Variants in MZF1 observed in about 807,000 individuals in gnomAD.
MZF1 encodes the protein myeloid zinc finger 1.
Under a neutral mutation model 28.6 loss-of-function variants are expected in MZF1, and 24 were observed. The observed-to-expected ratio is 0.84, with a 90% CI of 0.61 to 1.18. The LOEUF (loss-of-function observed/expected upper bound fraction) is 1.18, where lower values mean the gene tolerates loss of function less well. Ranked by LOEUF, MZF1 falls within the 50% of genes most tolerant of loss-of-function variation. The pLI, the probability that MZF1 is intolerant of heterozygous loss-of-function variation, is 0.00. For synonymous variants in MZF1, 516 were observed against 432.5 expected (o/e 1.19, Z -2.40); for missense variants, 1,166 against 1,026.4 (o/e 1.14, Z -1.86).
In MZF1 at chr19:58,562,541, C is replaced by A. The variant is rs921598469; in HGVS notation, c.1736G>T (p.Arg579Leu). Reference protein sequence around the residue: ...FACAECGKAFRQRPTLTQHLR... With the variant: ...FACAECGKAFLQRPTLTQHLR... ...ATGCTGCGTGAGCGTAGGCCGCTGG[C>A]GGAAGGCCTTGCCACACTCGGCGCA... The change falls in exon 6 of 6, where the codon CGC (arginine) becomes CTC (leucine). Residue 579 changes from arginine to leucine, a missense_variant. By Grantham distance (102) the Arg-to-Leu change is moderately radical. Coordinates refer to ENST00000215057, the MANE Select transcript of MZF1 (RefSeq NM_198055.2). 3.1e-6 allele frequency: 5 copies of A among 1,607,008 alleles called. No homozygotes were observed. The highest frequency in any genetic ancestry group is 4.2e-6 in the Non-Finnish European group (5 of 1,177,908).
Position 58,562,489 on chromosome 19 carries a change from G to T in MZF1, c.1788C>A (p.Pro596=). ...QHLRVHTGEK[P]FACPECGQRF... is the part of the protein sequence containing the mutation. ...GCTGGCCACACTCGGGGCAGGCAAA[G>T]GGTTTCTCGCCCGTGTGTACGCGGA... Residue 596 remains proline (P), a synonymous_variant, in exon 6 of 6, where the codon CCC becomes CCA. Coordinates refer to ENST00000215057, the MANE Select transcript of MZF1 (RefSeq NM_198055.2). 6.2e-7 allele frequency: 1 copy of T among 1,611,104 alleles called. No individual in the cohort carries two copies.
At chr19:58,563,734 C>G (rs2053985032) in intron 5 of MZF1, 1 of 462,412 alleles carries the variant, frequency 2.2e-6, no homozygotes, top group Non-Finnish European at 3.8e-6. Context: ...AAAAAGCTTT[C>G]TAGGTCTGAT....
At position 58,562,326 on chromosome 19, in the gene MZF1, G is replaced by A. The variant is rs1474423555; in HGVS notation, c.1951C>T (p.Arg651Trp). 3.1e-6 allele frequency: 5 copies of A among 1,608,088 alleles called. No individual in the cohort carries two copies. The highest frequency in any genetic ancestry group is 1.1e-5 in the South Asian group (1 of 90,776). The change falls in exon 6 of 6, where the codon CGG (arginine) becomes TGG (tryptophan). Residue 651 changes from arginine to tryptophan, a missense_variant. Physicochemically the swap from Arg to Trp is moderately radical, Grantham distance 101. Coordinates refer to ENST00000215057, the MANE Select transcript of MZF1 (RefSeq NM_198055.2). Reference sequence around the variant, plus strand: ...CCGCACTCGGGGCAGGCGAAGGGCCGTTCGCCCGTGTGGATGCGCTGGTGC... The same window carrying A: ...CCGCACTCGGGGCAGGCGAAGGGCCATTCGCCCGTGTGGATGCGCTGGTGC... The part of the protein sequence containing the change: ...TEHQRIHTGE[R>W]PFACPECGQS...
rs993763174 is a variant in MZF1 at position 58,571,424 on chromosome 19, C to T, written c.-35G>A. On this transcript the variant is annotated 5_prime_UTR_variant, in exon 2 of 6. Transcript: ENST00000215057. ...CAGGTCAGGTATCTGAGGCCAGTGT[C>T]TGCCCCTGGTGAAGAAATAGGATGA... 6.2e-6 allele frequency: 10 copies of T among 1,610,642 alleles called. No homozygotes were observed. The Admixed American group carries it at 1.3e-4, about 22-fold the overall frequency.
intron 3 of MZF1, 99 bp from the exon 4 acceptor site, chr19:58,569,685 C>T: frequency 2.7e-6 from 3 of 1,103,888 alleles, no homozygotes; most frequent in South Asian, 3.1e-5. Context: ...AGGTGGGATT[C>T]TTGGTTGTGG....
chr19:58,563,564 T>C, intron 5 of MZF1, 60 bp from the exon 6 acceptor site: 1 of 1,381,152 alleles, frequency 7.2e-7, no homozygotes, highest in South Asian at 1.4e-5. Context: ...GGGACCCACT[T>C]CATCCCTGGG....
chr19:58,568,997 T>G, intron 5 of MZF1: 1 of 320,210 alleles, frequency 3.1e-6, no homozygotes, highest in Non-Finnish European at 5.8e-6. Context: ...GGAGAGAATG[T>G]GGGTACGGGG....
intron 5 of MZF1, chr19:58,568,286 A>G (rs2054093680): frequency 6.6e-6 from 1 of 152,196 alleles, no homozygotes; most frequent in South Asian, 2.1e-4. Context: ...ATCTTAACAG[A>G]AGGTCTGAAA....
At chr19:58,567,068 A>G (rs565549334) in intron 5 of MZF1, among the ~76,000 whole-genome samples, 95 of 152,148 alleles carry the variant, frequency 6.2e-4, no homozygotes, top group African/African-American at 2.2e-3. Flanking sequence ...ATGCCCAGCT[A>G]GTTTTTTGTA....
intron 4 of MZF1, 31 bp from the exon 5 acceptor site, chr19:58,569,428 G>C (rs1489068343): frequency 1.2e-6 from 2 of 1,614,006 alleles, no homozygotes; most frequent in South Asian, 2.2e-5. Context: ...GCTCCTCTGT[G>C]CCTGGCTGGG....
At chr19:58,565,687 C>T (rs1429206399) in intron 5 of MZF1, among the ~76,000 whole-genome samples, 2 of 151,694 alleles carry the variant, frequency 1.3e-5, no homozygotes, top group Admixed American at 6.6e-5. Context: ...CGCCCGCCAC[C>T]ACGCCTGACT....
chr19:58,570,931 C>A, intron 2 of MZF1, 63 bp downstream of exon 2: 1 of 1,515,186 alleles, frequency 6.6e-7, no homozygotes, highest in South Asian at 1.3e-5. Flanking sequence ...GTGGTGCTGC[C>A]CAGGGTGAGG....
chr19:58,567,413 C>G (rs1600104235), intron 5 of MZF1, among the ~76,000 whole-genome samples: 1 of 152,222 alleles, frequency 6.6e-6, no homozygotes, highest in Admixed American at 6.5e-5. Context: ...CCCATCCTGG[C>G]AGAAGGCTAT....
At chr19:58,570,277 C>T (rs2054133091) in intron 3 of MZF1, 67 bp downstream of exon 3, 2 of 1,489,500 alleles carry the variant, frequency 1.3e-6, no homozygotes, top group African/African-American at 1.4e-5. Context: ...TTCAGACTGA[C>T]TGCTCAGGCC....
chr19:58,568,095 A>G (rs1183585484), intron 5 of MZF1: 1 of 152,288 alleles, frequency 6.6e-6, no homozygotes, highest in African/African-American at 2.4e-5. Flanking sequence ...AAAATTAAAA[A>G]TGAGTCAGGT....
Position 58,562,657 on chromosome 19 carries a change from G to C in MZF1, c.1620C>G (p.Pro540=). ...TCTGGCCGCACTCGGCACAGGCGAA[G>C]GGCCGCTCGCCACTGTGCACGCGCC... ...QHRRVHSGER[P]FACAECGQSF... Residue 540 remains proline, a synonymous_variant, in exon 6 of 6, where the codon CCC becomes CCG. Coordinates refer to ENST00000215057, the MANE Select transcript of MZF1 (RefSeq NM_198055.2). 1 of 1,538,384 alleles carries C rather than the reference G, an allele frequency of 6.5e-7. No individual in the cohort carries two copies. Among genetic ancestry groups the C allele is most frequent in the Non-Finnish European group, 8.7e-7 (1 of 1,149,462 alleles).
At chr19:58,572,662 C>G in intron 1 of MZF1, 1 of 1,278,844 alleles carries the variant, frequency 7.8e-7, no homozygotes, top group Non-Finnish European at 1.0e-6. Flanking sequence ...ATTTCGAGGG[C>G]CGCCTCATCC....
intron 5 of MZF1, among the ~76,000 whole-genome samples, chr19:58,567,004 G>A (rs1469384913): frequency 6.6e-6 from 1 of 151,998 alleles, no homozygotes; most frequent in African/African-American, 2.4e-5. Flanking sequence ...CCTGGCTTGG[G>A]TGATTCTCCC....
At position 58,563,337 on chromosome 19, in the gene MZF1, C is replaced by A. The variant is rs1254593858; in HGVS notation, c.940G>T (p.Glu314Ter). The A allele has an allele frequency of 1.9e-6, 3 of 1,608,962 alleles. No homozygotes were observed. Among genetic ancestry groups the A allele is most frequent in the Admixed American group, 1.7e-5 (1 of 59,394 alleles). ...GGATCCTCGTCCGTGGGGTCCTGTT[C>A]ACTCCTCAGATCGCTGGGGAGCAGA... is the stretch of plus-strand genomic sequence containing the variant. Reference protein sequence around the residue: ...ALLLPSDLRSEQDPTDEDPCR... With the variant: ...ALLLPSDLRS Residue 314 changes from glutamate (E) to a stop codon, truncating the protein, a stop_gained, in exon 6 of 6, where the codon GAA (glutamate) becomes TAA (stop). Transcript: ENST00000215057. LOFTEE classifies it low-confidence loss of function (END_TRUNC).
Sources: allele counts gnomAD v4.1 joint callset (sites outside exome capture counted in the v4.1 genomes callset), GRCh38; gene constraint gnomAD v4.1.1; transcripts MANE v1.5; gene names NCBI Gene and HGNC (gene_info 2026-07-23, HGNC 2026-07-21).